THSD7A: variants seen among roughly 807,000 people sequenced by gnomAD.
The protein encoded by THSD7A is thrombospondin type 1 domain containing 7A.
In THSD7A, 96 loss-of-function variants were observed where a neutral mutation model predicts 231.3. That is an observed-to-expected ratio of 0.41 (90% CI 0.35 to 0.49). The LOEUF is 0.49. THSD7A is among the 20% of genes least tolerant of loss of function. The pLI is 0.05. For synonymous variants in THSD7A, 940 were observed against 743.3 expected, an observed-to-expected ratio of 1.26 and a Z score of -4.30; for missense variants, 2,290 against 2,070.2, an observed-to-expected ratio of 1.11 and a Z score of -2.06.
chr7:11,572,271 TC>T (rs1463965359), intron 4 of THSD7A, among the ~76,000 whole-genome samples: 2 of 152,182 alleles, frequency 1.3e-5, no homozygotes, highest in African/African-American at 4.8e-5. Flanking sequence ...TATTGATTTG[TC>T]CTCAAGATCA....
chr7:11,552,985 G>A (rs1789694915), intron 4 of THSD7A, among the ~76,000 whole-genome samples: 1 of 152,064 alleles, frequency 6.6e-6, no homozygotes, highest in Admixed American at 6.6e-5. Context: ...TCTAGAGAGG[G>A]AGATGTTTCT....
intron 1 of THSD7A, among the ~76,000 whole-genome samples, chr7:11,824,722 A>C (rs958485414): frequency 3.3e-5 from 5 of 152,162 alleles, no homozygotes; most frequent in Non-Finnish European, 7.4e-5. Flanking sequence ...CAAAAGAAAA[A>C]AAGACAAGAC....
Position 11,632,901 on chromosome 7 carries a change from T to G in THSD7A, c.1022+3229A>C, listed in dbSNP as rs1313156805. Among the ~76,000 whole-genome samples the G allele has an allele frequency of 6.6e-6, 1 of 152,226 alleles. No homozygotes were observed. The highest frequency in any genetic ancestry group is 1.5e-5 in the Non-Finnish European group (1 of 68,030). On this transcript the variant is annotated intron_variant, in intron 2 of 27. Transcript: ENST00000423059. The surrounding 1 kb of genome is among the most constrained non-coding windows in gnomAD (Gnocchi z 4.1). ...TTTTCTGTTTTAATTTTTCTGGTTC[T>G]ATCTTCAGGAACATCAGCGTTTCAT...
intron 1 of THSD7A, among the ~76,000 whole-genome samples, chr7:11,686,391 T>C (rs931859496): frequency 3.3e-5 from 5 of 151,908 alleles, no homozygotes; most frequent in African/African-American, 1.2e-4. Flanking sequence ...CTATTTAGCA[T>C]TCTTTTCACC....
chr7:11,517,938 A>T (rs1261657136), intron 6 of THSD7A, among the ~76,000 whole-genome samples: 3 of 152,190 alleles, frequency 2.0e-5, no homozygotes, highest in Admixed American at 2.0e-4. Context: ...TGTGAGTGCC[A>T]CAGATAGGTA....
intron 23 of THSD7A, among the ~76,000 whole-genome samples, chr7:11,386,836 G>A (rs947933141): frequency 3.9e-5 from 6 of 152,094 alleles, no homozygotes; most frequent in Admixed American, 6.6e-5. Context: ...CGGTTTTTAC[G>A]GTTTTAGGTC....
chr7:11,512,643 TG>T (rs1257759720), intron 6 of THSD7A, among the ~76,000 whole-genome samples: 1 of 151,568 alleles, frequency 6.6e-6, no homozygotes, highest in Non-Finnish European at 1.5e-5. Context: ...GGGACATGGA[TG>T]AAGCTGGAAA....
chr7:11,546,202 G>GTGCGCGCGCACACACACACACACACA (rs1789383127), intron 4 of THSD7A, among the ~76,000 whole-genome samples: 1 of 129,374 alleles, frequency 7.7e-6, no homozygotes, highest in Non-Finnish European at 1.7e-5. Flanking sequence ...GTGGGCGCGC[G>GTGCGCGCGCACACACACACACACACA]CTCACACACA....
At chr7:11,405,715 C>A (rs1229097646) in intron 22 of THSD7A, among the ~76,000 whole-genome samples, 5 of 152,176 alleles carry the variant, frequency 3.3e-5, no homozygotes, top group Admixed American at 1.3e-4. Flanking sequence ...AACACTGAAT[C>A]TGAATAATAT....
At chr7:11,561,036 G>A (rs1035009187) in intron 4 of THSD7A, among the ~76,000 whole-genome samples, 5 of 152,018 alleles carry the variant, frequency 3.3e-5, no homozygotes, top group African/African-American at 9.7e-5. Flanking sequence ...CCCATATAGG[G>A]CAACCGAGTA....
chr7:11,379,727 A>C lies in THSD7A; in HGVS notation c.4508-15T>G. The C allele has an allele frequency of 6.4e-7, 1 of 1,569,738 alleles. No homozygotes were observed. The highest frequency in any genetic ancestry group is 8.6e-7 in the Non-Finnish European group (1 of 1,156,400). ...CAAGCAGCCCCCTGCGGAACAGAAA[A>C]TCATGTTTTGACAAATAATATATTT... On this transcript the variant is annotated splice_polypyrimidine_tract_variant and intron_variant, in intron 24 of 27. Transcript: ENST00000423059.
Position 11,423,494 on chromosome 7 carries a change from G to C in THSD7A, c.3383+1202C>G, listed in dbSNP as rs535321988. 7.3e-3 allele frequency among the ~76,000 whole-genome samples: 1,110 copies of C among 151,266 alleles called. 13 individuals are homozygous for C. Among genetic ancestry groups the C allele is most frequent in the African/African-American group, 0.026 (1,061 of 41,120 alleles). On this transcript the variant is annotated intron_variant, in intron 16 of 27. Coordinates refer to ENST00000423059, the MANE Select transcript of THSD7A (RefSeq NM_015204.3). ...CGCCATTCTCCTGCCTCAGCCTCCC[G>C]AGTAGCTGGGACTACAGGTGCCCGC...
intron 23 of THSD7A, among the ~76,000 whole-genome samples, chr7:11,386,174 CAT>C (rs1165058107): frequency 6.6e-6 from 1 of 152,144 alleles, no homozygotes; most frequent in African/African-American, 2.4e-5. Context: ...CTGCAATAAA[CAT>C]ATGTGTGCAT....
chr7:11,518,148 G>C (rs1288494007), intron 6 of THSD7A, among the ~76,000 whole-genome samples: 1 of 152,146 alleles, frequency 6.6e-6, no homozygotes, highest in Non-Finnish European at 1.5e-5. Context: ...AAATGTTAGT[G>C]CTTGTTTGTT....
chr7:11,725,264 G>A (rs1322880785), intron 1 of THSD7A, among the ~76,000 whole-genome samples: 1 of 151,890 alleles, frequency 6.6e-6, no homozygotes, highest in Non-Finnish European at 1.5e-5. Context: ...GAATGAAATA[G>A]GATAAATGGG....
Position 11,401,897 on chromosome 7 carries a change from C to G in THSD7A, c.4309G>C (p.Gly1437Arg), listed in dbSNP as rs752534144. ...GATCTGACCTGTATTCCACCAAAGC[C>G]TAGATCCTCACCATTCACACAGGTC... ...QLTCVNGEDL[G>R]FGGIQVRSRP... Residue 1437 changes from glycine (G) to arginine (R), a missense_variant, in exon 23 of 28, where the codon GGC (glycine) becomes CGC (arginine). Physicochemically the swap from Gly to Arg is moderately radical, Grantham distance 125. Transcript: ENST00000423059. 6.2e-6 allele frequency: 10 copies of G among 1,613,906 alleles called. No homozygotes were observed. The South Asian group carries it at 9.9e-5, about 16-fold the overall frequency.
At chr7:11,501,082 A>C (rs1285580448) in intron 6 of THSD7A, among the ~76,000 whole-genome samples, 3 of 152,284 alleles carry the variant, frequency 2.0e-5, no homozygotes, top group South Asian at 2.1e-4. Context: ...AGACTTAGCT[A>C]TCCTAAATAT....
At chr7:11,685,552 T>C (rs1236749458) in intron 1 of THSD7A, among the ~76,000 whole-genome samples, 1 of 151,774 alleles carries the variant, frequency 6.6e-6, no homozygotes, top group African/African-American at 2.4e-5. Flanking sequence ...TATTATAAAG[T>C]AGGCAAAAGC....
At chr7:11,727,559 A>G (rs1781589099) in intron 1 of THSD7A, among the ~76,000 whole-genome samples, 1 of 151,988 alleles carries the variant, frequency 6.6e-6, no homozygotes, top group Non-Finnish European at 1.5e-5. Context: ...AAATGTTAAA[A>G]TAATTGATAA....
Sources: allele counts gnomAD v4.1 joint callset (sites outside exome capture counted in the v4.1 genomes callset), GRCh38; gene constraint gnomAD v4.1.1; non-coding constraint Gnocchi (gnomAD v3.1); transcripts MANE v1.5; gene names NCBI Gene and HGNC (gene_info 2026-07-23, HGNC 2026-07-21).